The following SLC12A5 variants were observed in gnomAD, a reference collection of about 807,000 sequenced individuals.
SLC12A5 encodes the protein solute carrier family 12 member 5.
SLC12A5 carries 18 observed loss-of-function variants against 124.0 expected under a neutral mutation model. The ratio of observed to expected loss-of-function variants is 0.15; its 90% CI spans 0.10 to 0.22. The LOEUF is 0.22. Ranked by LOEUF, SLC12A5 falls within the 10% of genes least tolerant of loss-of-function variation. SLC12A5 has a pLI of 1.00. For synonymous variants in SLC12A5, 589 were observed against 568.0 expected (o/e 1.04, Z -0.53); for missense variants, 867 against 1,478.7 (o/e 0.59, Z 6.78).
chr20:46,053,159 AGTGT>A lies in SLC12A5; in HGVS notation c.2547+38_2547+41del. The A allele has an allele frequency of 6.3e-7, 1 of 1,591,514 alleles. No homozygotes were observed. Among genetic ancestry groups the A allele is most frequent in the Non-Finnish European group, 8.6e-7 (1 of 1,161,894 alleles). On this transcript the variant is annotated intron_variant, in intron 19 of 25. Transcript: ENST00000243964. The surrounding 1 kb of genome is among the most constrained non-coding windows in gnomAD (Gnocchi z 4.7). ...GTGTGCGTGAGTGTATGCACGTGTG[AGTGT>A]GTGTATGCATGTATGCATTTGTGTG...
At position 46,057,842 on chromosome 20, in the gene SLC12A5, T is replaced by A; in HGVS notation, c.*237T>A. On this transcript the variant is annotated 3_prime_UTR_variant, in exon 26 of 26. Transcript: ENST00000243964. This position sits in a 1 kb window ranked among gnomAD's most constrained non-coding sequence, Gnocchi z 7.1. Reference sequence around the variant, plus strand: ...TTTGGCCCCTGGGTCTTCGCTGCCCTTTTTCTAAGCCCGGCCTCGTCTCGC... The same window carrying A: ...TTTGGCCCCTGGGTCTTCGCTGCCCATTTTCTAAGCCCGGCCTCGTCTCGC... 1 of 456,964 alleles carries A rather than the reference T, an allele frequency of 2.2e-6. No individual in the cohort carries two copies. Among genetic ancestry groups the A allele is most frequent in the East Asian group, 3.6e-5 (1 of 27,590 alleles). The allele number at this position is 456,964 out of a possible 1,614,324, so 28.3% of individuals were successfully genotyped here.
chr20:46,022,056 CCG>C, intron 1 of SLC12A5: 1 of 841,624 alleles, frequency 1.2e-6, no homozygotes, highest in Non-Finnish European at 1.7e-6. Context: ...GGGGCCGGGG[CCG>C]CGGAACGCAA....
intron 5 of SLC12A5, 134 bp downstream of exon 5, chr20:46,036,929 G>T (rs1356699856): frequency 7.5e-6 from 9 of 1,204,046 alleles, no homozygotes; most frequent in African/African-American, 1.5e-5. Flanking sequence ...TCTGTTTTCA[G>T]CCCTATTGGG....
In SLC12A5 at chr20:46,041,340, T is replaced by A; in HGVS notation, c.866T>A (p.Leu289Gln). 1 of 1,614,114 alleles carries A rather than the reference T, an allele frequency of 6.2e-7. No homozygotes were observed. The highest frequency in any genetic ancestry group is 8.5e-7 in the Non-Finnish European group (1 of 1,179,992). ...FDPPNFPICLLGNRTLSRHGF... is the reference protein window; with the variant it reads ...FDPPNFPICLQGNRTLSRHGF... ...GTTTCTCTCCCTAGGATCTGCCTCCTGGGTAACCGCACGCTGTCTCGCCAT... is the reference window on the plus strand; with the variant it reads ...GTTTCTCTCCCTAGGATCTGCCTCCAGGGTAACCGCACGCTGTCTCGCCAT... The change falls in exon 8 of 26, where the codon CTG becomes CAG. Residue 289 changes from leucine (L) to glutamine (Q), a missense_variant. Transcript: ENST00000243964.
intron 11 of SLC12A5, among the ~76,000 whole-genome samples, chr20:46,044,360 C>T (rs1039556131): frequency 1.3e-5 from 2 of 151,916 alleles, no homozygotes; most frequent in African/African-American, 4.8e-5. Context: ...TAAGTGCAGT[C>T]GGTAGGGGTG....
chr20:46,054,842 C>T (rs575195900), intron 20 of SLC12A5, 74 bp from the exon 21 acceptor site: 1 of 1,090,156 alleles, frequency 9.2e-7, no homozygotes, highest in African/African-American at 1.5e-5. Context: ...TGGCCTTTCA[C>T]CTGGGCTCAG....
intron 6 of SLC12A5, among the ~76,000 whole-genome samples, chr20:46,037,947 T>C (rs184298697): frequency 1.8e-4 from 28 of 152,186 alleles, no homozygotes; most frequent in Admixed American, 1.4e-3. Context: ...AAGACATCTG[T>C]TGGGAATAGT....
chr20:46,032,288 C>T (rs1394733042), intron 1 of SLC12A5, among the ~76,000 whole-genome samples: 1 of 152,216 alleles, frequency 6.6e-6, no homozygotes, highest in Non-Finnish European at 1.5e-5. Flanking sequence ...GAGCGCCACC[C>T]GCCCCCGCGA....
chr20:46,049,694 C>A lies in SLC12A5; in HGVS notation c.2085C>A (p.Thr695=). ...NVVHPQLLSL[T]SQLKAGKGLT... is the part of the protein sequence containing the mutation. Reference sequence around the variant, plus strand: ...TGCACCCCCAGCTGCTCTCACTGACCTCCCAGCTGAAGGCGGGGAAGGGCC... The same window carrying A: ...TGCACCCCCAGCTGCTCTCACTGACATCCCAGCTGAAGGCGGGGAAGGGCC... Residue 695 remains threonine, a synonymous_variant, in exon 17 of 26, where the codon ACC becomes ACA. Coordinates refer to ENST00000243964, the MANE Select transcript of SLC12A5 (RefSeq NM_020708.5). 1 of 1,606,776 alleles carries A rather than the reference C, an allele frequency of 6.2e-7. No individual in the cohort carries two copies. Among genetic ancestry groups the A allele is most frequent in the Non-Finnish European group, 8.5e-7 (1 of 1,177,044 alleles).
In SLC12A5 at chr20:46,057,180, A is replaced by G. The variant is rs1295980278; in HGVS notation, c.3136A>G (p.Asn1046Asp). The G allele has an allele frequency of 1.2e-6, 2 of 1,614,110 alleles. No individual in the cohort carries two copies. The highest frequency in any genetic ancestry group is 2.2e-5 in the East Asian group (1 of 44,864). The change falls in exon 25 of 26, where the codon AAC becomes GAC. Residue 1046 changes from asparagine (N) to aspartate (D), a missense_variant. Around this residue, in one of 9 missense-constraint regions of SLC12A5, gnomAD observed 180 missense variants for 243.6 expected, o/e 0.74. Coordinates refer to ENST00000243964, the MANE Select transcript of SLC12A5 (RefSeq NM_020708.5). This position sits in a 1 kb window ranked among gnomAD's most constrained non-coding sequence, Gnocchi z 7.1. ...TCCTTCCTGCCGCAGGAACCAGTCC[A>G]ACGTGCGGCGCATGCACACGGCCGT... is the stretch of plus-strand genomic sequence containing the variant. ...KPEWENLNQS[N>D]VRRMHTAVRL...
At chr20:46,039,992 T>C (rs1322230598) in intron 6 of SLC12A5, among the ~76,000 whole-genome samples, 1 of 152,198 alleles carries the variant, frequency 6.6e-6, no homozygotes, top group Non-Finnish European at 1.5e-5. Flanking sequence ...ATAACAGAAG[T>C]AATTGCTTCC....
At chr20:46,029,541 C>G in intron 1 of SLC12A5, 145 bp downstream of exon 1, 1 of 887,406 alleles carries the variant, frequency 1.1e-6, no homozygotes, top group Non-Finnish European at 1.7e-6. Context: ...GCCTGGAGCT[C>G]AGCTCCATTG....
At chr20:46,031,013 G>C (rs12373874) in intron 1 of SLC12A5, among the ~76,000 whole-genome samples, 2 of 152,164 alleles carry the variant, frequency 1.3e-5, no homozygotes, top group Non-Finnish European at 2.9e-5. Context: ...CAGGCATCCC[G>C]ACGCGGATCT....
upstream of SLC12A5, chr20:46,029,087 C>A (rs530687989): frequency 1.4e-5 from 18 of 1,317,616 alleles, no homozygotes; most frequent in Admixed American, 3.7e-5. Context: ...GCTCTCCCCC[C>A]AAAACCCCGC....
At chr20:46,021,965 G>C (rs553325052) in intron 1 of SLC12A5, 2 of 1,396,088 alleles carry the variant, frequency 1.4e-6, no homozygotes, top group South Asian at 1.5e-5. Context: ...TCTGTTGAAG[G>C]GGGCAGGGCC....
chr20:46,029,365 C>A lies in SLC12A5; in HGVS notation c.21C>A (p.Asp7Glu), dbSNP rs1411688611. The A allele has an allele frequency of 1.9e-6, 3 of 1,549,514 alleles. No individual in the cohort carries two copies. The highest frequency in any genetic ancestry group is 2.6e-6 in the Non-Finnish European group (3 of 1,146,492). Residue 7 changes from aspartate to glutamate, a missense_variant, in exon 1 of 26, where the codon GAC becomes GAA. By Grantham distance (45) the Asp-to-Glu change is conservative. This residue lies in a region of SLC12A5 where 58 missense variants were observed against 52.2 expected (regional missense o/e 1.11). Transcript: ENST00000243964. Reference sequence around the variant, plus strand: ...CCACCATGCTAAACAACCTGACGGACTGCGAGGACGGCGATGGGGGAGCCA... The same window carrying A: ...CCACCATGCTAAACAACCTGACGGAATGCGAGGACGGCGATGGGGGAGCCA... MLNNLT[D>E]CEDGDGGANP...
In SLC12A5 at chr20:46,051,853, C is replaced by T. The variant is rs901985864; in HGVS notation, c.2360C>T (p.Thr787Met). The T allele has an allele frequency of 7.6e-7, 1 of 1,311,342 alleles. No homozygotes were observed. The highest frequency in any genetic ancestry group is 9.9e-7 in the Non-Finnish European group (1 of 1,007,080). The allele number at this position is 1,311,342 out of a possible 1,614,324, so 81.2% of individuals were successfully genotyped here. ...RNWRQKEDHQ[T>M]WRNFIELVRE... Reference sequence around the variant, plus strand: ...TGGCGCCAGAAGGAAGATCATCAGACGTGGAGGAACTTCATTGGTAACGCT... The same window carrying T: ...TGGCGCCAGAAGGAAGATCATCAGATGTGGAGGAACTTCATTGGTAACGCT... The change falls in exon 18 of 26, where the codon ACG becomes ATG. Residue 787 changes from threonine (T) to methionine (M), a missense_variant. Thr to Met is a moderately conservative substitution (Grantham distance 81). Transcript: ENST00000243964.
In SLC12A5 at chr20:46,041,082, C is replaced by T. The variant is rs2084541706; in HGVS notation, c.855-247C>T. On this transcript the variant is annotated intron_variant, in intron 7 of 25. Transcript: ENST00000243964. ...GGAGGGCGGCCCCCGAGACCGCTGT[C>T]CACGGTGCTGAAACACAGCATTGCA... is the stretch of plus-strand genomic sequence containing the variant. The T allele has an allele frequency of 1.2e-4, 55 of 454,176 alleles. No individual in the cohort carries two copies. In the South Asian group the frequency reaches 1.2e-3, roughly 10 times the overall value. The allele number at this position is 454,176 out of a possible 1,614,324, so 28.1% of individuals were successfully genotyped here. A position where few individuals can be genotyped will look rare whatever the true frequency, so the allele number is the denominator to read the frequency against.
At chr20:46,055,599 T>C (rs2084682426) in intron 21 of SLC12A5, among the ~76,000 whole-genome samples, 1 of 151,896 alleles carries the variant, frequency 6.6e-6, no homozygotes, top group South Asian at 2.1e-4. Flanking sequence ...AAATGAGTGG[T>C]GTTACCCCAG....
Sources: allele counts gnomAD v4.1 joint callset (sites outside exome capture counted in the v4.1 genomes callset), GRCh38; gene constraint gnomAD v4.1.1; regional missense constraint gnomAD v4.1.1; non-coding constraint Gnocchi (gnomAD v3.1); transcripts MANE v1.5; gene names NCBI Gene and HGNC (gene_info 2026-07-23, HGNC 2026-07-21).